Variants in TADA2A observed in about 807,000 individuals in gnomAD.
The protein encoded by TADA2A is transcriptional adapter 2-alpha.
TADA2A carries 38 observed loss-of-function variants against 67.4 expected under a neutral mutation model. The ratio of observed to expected loss-of-function variants is 0.56; its 90% CI spans 0.44 to 0.74. The LOEUF is 0.74. Ranked by LOEUF, TADA2A falls within the 30% of genes least tolerant of loss-of-function variation. The probability of loss-of-function intolerance (pLI) is 0.00; values close to 1 mark genes in which losing one functional copy is unlikely to be tolerated. For missense variants in TADA2A, 454 were observed against 547.0 expected (o/e 0.83, Z 1.70); for synonymous variants, 192 against 181.6 (o/e 1.06, Z -0.46).
At chr17:37,439,906 C>CTTTATTTA (rs200809737) in intron 5 of TADA2A, among the ~76,000 whole-genome samples, 78 of 132,140 alleles carry the variant, frequency 5.9e-4, no homozygotes, top group Non-Finnish European at 9.3e-4. Flanking sequence ...TTCCAGTCAT[C>CTTTATTTA]TTTATTTATT....
intron 4 of TADA2A, among the ~76,000 whole-genome samples, chr17:37,430,971 C>T (rs1756978166): frequency 6.6e-6 from 1 of 152,122 alleles, no homozygotes; most frequent in Non-Finnish European, 1.5e-5. Context: ...CATAATACCT[C>T]ATGTGCTAGA....
At chr17:37,451,667 A>G (rs981313169) in intron 8 of TADA2A, among the ~76,000 whole-genome samples, 1 of 151,698 alleles carries the variant, frequency 6.6e-6, no homozygotes, top group Non-Finnish European at 1.5e-5. Flanking sequence ...AGGAAACAAC[A>G]TGGCATCTTG....
intron 12 of TADA2A, among the ~76,000 whole-genome samples, chr17:37,470,082 T>C (rs988240086): frequency 6.6e-6 from 1 of 152,224 alleles, no homozygotes; most frequent in Admixed American, 6.5e-5. Context: ...AATATGACTA[T>C]AGTAAAAGTT....
At chr17:37,415,116 A>T (rs2051999992) in intron 2 of TADA2A, among the ~76,000 whole-genome samples, 1 of 151,184 alleles carries the variant, frequency 6.6e-6, no homozygotes, top group Non-Finnish European at 1.5e-5. Flanking sequence ...TCCTGATCTC[A>T]GGTGATCCAC....
At chr17:37,457,316 G>A (rs982728300) in intron 8 of TADA2A, among the ~76,000 whole-genome samples, 4 of 150,830 alleles carry the variant, frequency 2.7e-5, no homozygotes, top group African/African-American at 9.8e-5. Flanking sequence ...GAGTAGCTGG[G>A]ACTACAGGCA....
Position 37,478,727 on chromosome 17 carries a change from A to G in TADA2A, c.*1745A>G, listed in dbSNP as rs994048198. 6.6e-6 allele frequency: 1 copy of G among 152,228 alleles called. No individual in the cohort carries two copies. The highest frequency in any genetic ancestry group is 1.5e-5 in the Non-Finnish European group (1 of 68,044). 9.4% of individuals were successfully genotyped at this position (152,228 alleles called of 1,614,324 possible). On this transcript the variant is annotated 3_prime_UTR_variant, in exon 16 of 16. Transcript: ENST00000615182. ...TAGTTGACTGTTTAATTCCTTCTAC[A>G]TTCAAATATCTAATTAAAATACTGT...
chr17:37,474,171 T>C (rs932867899), intron 14 of TADA2A, among the ~76,000 whole-genome samples: 2 of 152,164 alleles, frequency 1.3e-5, no homozygotes, highest in Admixed American at 6.5e-5. Flanking sequence ...CCAGGGAGAT[T>C]GAGGCTATAG....
Position 37,420,356 on chromosome 17 carries a change from A to G in TADA2A, c.26-3153A>G, listed in dbSNP as rs1418818684. On this transcript the variant is annotated intron_variant, in intron 2 of 15. Transcript: ENST00000615182. ...ATATATTGAATTTGAAGCTACTGCC[A>G]GGAGTACATTTTTTTCTTTCATCAT... Among the ~76,000 whole-genome samples, 2 of 145,428 alleles carry G rather than the reference A, an allele frequency of 1.4e-5. 1 individual carries two copies. The highest frequency in any genetic ancestry group is 3.1e-5 in the Non-Finnish European group (2 of 65,500).
At chr17:37,444,820 C>T (rs1011336425) in intron 8 of TADA2A, 52 bp downstream of exon 8, 27 of 1,506,848 alleles carry the variant, frequency 1.8e-5, no homozygotes, top group Non-Finnish European at 2.2e-5. Flanking sequence ...TGTGATGACA[C>T]TGTCTTGGGT....
chr17:37,427,598 C>G (rs1424764728), intron 4 of TADA2A, among the ~76,000 whole-genome samples: 2 of 152,156 alleles, frequency 1.3e-5, no homozygotes, highest in Admixed American at 6.6e-5. Context: ...TTCGTAGTGT[C>G]CTTCCAAGCC....
intron 9 of TADA2A, among the ~76,000 whole-genome samples, chr17:37,460,526 T>C (rs2053523525): frequency 6.6e-6 from 1 of 152,218 alleles, no homozygotes; most frequent in African/African-American, 2.4e-5. Flanking sequence ...ATTACAGGCA[T>C]GAGCCACTGC....
At chr17:37,461,610 ATATT>A (rs1288400766) in intron 9 of TADA2A, among the ~76,000 whole-genome samples, 1 of 152,258 alleles carries the variant, frequency 6.6e-6, no homozygotes, top group African/African-American at 2.4e-5. Context: ...AACATGCACA[ATATT>A]TATTTCTAGT....
chr17:37,458,761 C>CA (rs2053469823), intron 9 of TADA2A, among the ~76,000 whole-genome samples, 174 bp downstream of exon 9: 1 of 152,008 alleles, frequency 6.6e-6, no homozygotes, highest in South Asian at 2.1e-4. Context: ...ACTGCAGCCT[C>CA]AACCTCTCAG....
Position 37,458,584 on chromosome 17 carries a change from A to G in TADA2A, c.665A>G (p.Lys222Arg). Reference sequence around the variant, plus strand: ...AGGTTAAAGGAGAGACAAAGACGAAAAAAGTAAGTATAAAAAACCATCCTG... The same window carrying G: ...AGGTTAAAGGAGAGACAAAGACGAAGAAAGTAAGTATAAAAAACCATCCTG... ...HSRLKERQRR[K>R]KIIRDHGLIN... Residue 222 changes from lysine to arginine, a missense_variant, in exon 9 of 16, where the codon AAA (lysine) becomes AGA (arginine). Physicochemically the swap from Lys to Arg is conservative, Grantham distance 26. Transcript: ENST00000615182. 6.2e-7 allele frequency: 1 copy of G among 1,613,056 alleles called. No homozygotes were observed. Among genetic ancestry groups the G allele is most frequent in the Non-Finnish European group, 8.5e-7 (1 of 1,179,536 alleles).
At position 37,452,228 on chromosome 17, in the gene TADA2A, C is replaced by T. The variant is rs145851700; in HGVS notation, c.605-6296C>T. On this transcript the variant is annotated intron_variant, in intron 8 of 15. Transcript: ENST00000615182. ...GACCACCCTGGCCAATGTGGCAAAA[C>T]CCCATCTCTACTAAAAATACAAAAA... 5.6e-3 allele frequency among the ~76,000 whole-genome samples: 858 copies of T among 152,054 alleles called. 10 individuals carry two copies. The highest frequency in any genetic ancestry group is 0.02 in the African/African-American group (811 of 41,466).
intron 6 of TADA2A, among the ~76,000 whole-genome samples, 154 bp from the exon 7 acceptor site, chr17:37,442,410 T>C (rs993873821): frequency 2.0e-5 from 3 of 152,154 alleles, no homozygotes; most frequent in Non-Finnish European, 2.9e-5. Flanking sequence ...TCTTGGTTTT[T>C]CTTTTTAAAA....
chr17:37,422,265 T>TGACAA (rs1338942340), intron 2 of TADA2A, among the ~76,000 whole-genome samples: 1 of 127,800 alleles, frequency 7.8e-6, no homozygotes, highest in African/African-American at 2.7e-5. Context: ...AGGCTGGTCT[T>TGACAA]GAACTCCTCA....
intron 7 of TADA2A, among the ~76,000 whole-genome samples, chr17:37,443,965 G>A (rs1032887150): frequency 3.3e-5 from 5 of 152,056 alleles, no homozygotes; most frequent in African/African-American, 7.2e-5. Context: ...GGCCAAATGC[G>A]GTAGCTTACA....
At chr17:37,471,250 A>G (rs1453232843) in intron 14 of TADA2A, 113 bp downstream of exon 14, 1 of 1,079,312 alleles carries the variant, frequency 9.3e-7, no homozygotes, top group East Asian at 2.6e-5. Context: ...AGGCAGAGTA[A>G]CAGTAATCAA....
Sources: allele counts gnomAD v4.1 joint callset (sites outside exome capture counted in the v4.1 genomes callset), GRCh38; gene constraint gnomAD v4.1.1; transcripts MANE v1.5; gene names NCBI Gene and HGNC (gene_info 2026-07-23, HGNC 2026-07-21).